DCLK1: variants seen among roughly 807,000 people sequenced by gnomAD.
The protein encoded by DCLK1 is doublecortin like kinase 1, also known as serine/threonine-protein kinase DCLK1.
DCLK1 carries 16 observed loss-of-function variants against 86.2 expected under a neutral mutation model. The ratio of observed to expected loss-of-function variants is 0.19; its 90% CI spans 0.13 to 0.28. The LOEUF is 0.28. Ranked by LOEUF, DCLK1 falls within the 10% of genes least tolerant of loss-of-function variation. The pLI, the probability that DCLK1 is intolerant of heterozygous loss-of-function variation, is 1.00. For synonymous variants in DCLK1, 369 were observed against 370.5 expected (o/e 1.00, Z 0.05); for missense variants, 590 against 940.2 (o/e 0.63, Z 4.87).
intron 3 of DCLK1, among the ~76,000 whole-genome samples, chr13:36,043,871 G>A (rs1566657921): frequency 6.6e-6 from 1 of 152,122 alleles, no homozygotes; most frequent in Admixed American, 6.6e-5. Flanking sequence ...AACCATCAGA[G>A]AAACTCTTCC....
At chr13:35,887,466 C>G (rs898094702) in intron 4 of DCLK1, among the ~76,000 whole-genome samples, 1 of 152,158 alleles carries the variant, frequency 6.6e-6, no homozygotes, top group Non-Finnish European at 1.5e-5. Flanking sequence ...GATCTGGTTG[C>G]TCACAATTCC....
intron 4 of DCLK1, among the ~76,000 whole-genome samples, chr13:35,930,254 T>C (rs750154310): frequency 1.3e-5 from 2 of 152,218 alleles, no homozygotes; most frequent in Admixed American, 6.5e-5. Flanking sequence ...TCTTAACTAG[T>C]ACATGTTTGG....
chr13:35,896,036 T>C (rs1873954508), intron 4 of DCLK1, among the ~76,000 whole-genome samples: 1 of 152,182 alleles, frequency 6.6e-6, no homozygotes, highest in African/African-American at 2.4e-5. Context: ...GTAAGGCGCT[T>C]TGTTTTGACA....
At chr13:36,071,346 C>T (rs17199136) in intron 3 of DCLK1, among the ~76,000 whole-genome samples, 1 of 151,866 alleles carries the variant, frequency 6.6e-6, no homozygotes, top group Non-Finnish European at 1.5e-5. Flanking sequence ...TTGTGTGGCA[C>T]TTTCTATGTG....
At chr13:35,778,034 AG>A (rs1160776151) in intron 16 of DCLK1, among the ~76,000 whole-genome samples, 1 of 152,232 alleles carries the variant, frequency 6.6e-6, no homozygotes, top group Non-Finnish European at 1.5e-5. Flanking sequence ...CACAGCACAC[AG>A]TAGATATTCT....
chr13:35,871,283 C>T lies in DCLK1; in HGVS notation c.881G>A (p.Ser294Asn). The change falls in exon 5 of 17, where the codon AGC becomes AAC. Residue 294 changes from serine to asparagine, a missense_variant. This residue lies in a region of DCLK1 where 195 missense variants were observed against 365.1 expected (regional missense o/e 0.53). Coordinates refer to ENST00000360631, the MANE Select transcript of DCLK1 (RefSeq NM_001330071.2). ...GGACGGTCCTGGGCTCTTGGTGGTG[C>T]TCCTGCGGGATGATGAAGCTATTTT... ...YTKIASSSRR[S>N]TTKSPGPSRR... is the part of the protein sequence containing the mutation. 6.2e-7 allele frequency: 1 copy of T among 1,613,966 alleles called. No homozygotes were observed. Among genetic ancestry groups the T allele is most frequent in the Non-Finnish European group, 8.5e-7 (1 of 1,179,996 alleles).
chr13:36,078,567 T>C (rs1226172954), intron 3 of DCLK1, among the ~76,000 whole-genome samples: 1 of 152,190 alleles, frequency 6.6e-6, no homozygotes, highest in African/African-American at 2.4e-5. Context: ...GGTTTACAAA[T>C]TGTAGATACT....
At chr13:35,828,188 T>A (rs2296644) in intron 9 of DCLK1, 62 bp downstream of exon 9, 290,134 of 1,356,614 alleles carry the variant, frequency 0.21, 33,515 homozygotes, top group East Asian at 0.41. Context: ...TTGGGAGTGA[T>A]CTTTGTGTTT....
chr13:36,086,469 T>TTTA (rs61096962), intron 3 of DCLK1, among the ~76,000 whole-genome samples: 2 of 147,426 alleles, frequency 1.4e-5, no homozygotes. Context: ...TTTTTTTTTT[T>TTTA]AATATTTTAA....
intron 4 of DCLK1, among the ~76,000 whole-genome samples, chr13:35,914,951 G>A (rs1199710217): frequency 6.6e-6 from 1 of 152,146 alleles, no homozygotes; most frequent in Non-Finnish European, 1.5e-5. Context: ...ACTGGAGAGA[G>A]CCAATGATTT....
At chr13:35,921,976 C>T (rs2153127095) in intron 4 of DCLK1, among the ~76,000 whole-genome samples, 1 of 152,242 alleles carries the variant, frequency 6.6e-6, no homozygotes, top group Non-Finnish European at 1.5e-5. Context: ...AATAGAGAAA[C>T]ATAGTGCCTA....
At chr13:35,998,103 C>T (rs2153145226) in intron 3 of DCLK1, among the ~76,000 whole-genome samples, 1 of 152,120 alleles carries the variant, frequency 6.6e-6, no homozygotes, top group Admixed American at 6.5e-5. Flanking sequence ...TTTAGTGTCC[C>T]TTCAACTGCC....
At chr13:36,021,909 A>G (rs1881800438) in intron 3 of DCLK1, among the ~76,000 whole-genome samples, 1 of 152,116 alleles carries the variant, frequency 6.6e-6, no homozygotes, top group African/African-American at 2.4e-5. Context: ...AATGAATAGA[A>G]CTATATAGTA....
At chr13:35,851,645 G>A (rs1870649771) in intron 6 of DCLK1, among the ~76,000 whole-genome samples, 1 of 152,098 alleles carries the variant, frequency 6.6e-6, no homozygotes, top group Non-Finnish European at 1.5e-5. Flanking sequence ...GAGTCTCCAG[G>A]CTCTGCTTCT....
intron 5 of DCLK1, chr13:35,855,805 C>T: frequency 8.0e-7 from 1 of 1,254,604 alleles, no homozygotes; most frequent in Non-Finnish European, 1.0e-6. Flanking sequence ...ATCCCGACAC[C>T]ACTCCCTTCC....
At chr13:35,948,615 A>G (rs1877507118) in intron 3 of DCLK1, among the ~76,000 whole-genome samples, 1 of 152,198 alleles carries the variant, frequency 6.6e-6, no homozygotes, top group South Asian at 2.1e-4. Context: ...GAGTCCCCAA[A>G]TGCAATGATG....
chr13:36,087,820 A>G lies in DCLK1; in HGVS notation c.723+24049T>C, dbSNP rs960749052. 7.2e-5 allele frequency among the ~76,000 whole-genome samples: 11 copies of G among 152,300 alleles called. No homozygotes were observed. In the East Asian group the frequency reaches 2.1e-3, roughly 29 times the overall value. On this transcript the variant is annotated intron_variant, in intron 3 of 16. Transcript: ENST00000360631. Reference sequence around the variant, plus strand: ...TGTGGATACACTATTCTCCCAAGCCAAGGATAAGACTAAGACCCCTGGGAA... The same window carrying G: ...TGTGGATACACTATTCTCCCAAGCCGAGGATAAGACTAAGACCCCTGGGAA...
At chr13:36,063,910 G>C (rs1053965092) in intron 3 of DCLK1, among the ~76,000 whole-genome samples, 1 of 152,110 alleles carries the variant, frequency 6.6e-6, no homozygotes, top group African/African-American at 2.4e-5. Flanking sequence ...AGTTGGGATT[G>C]TCATAAGAAA....
At chr13:36,023,058 C>A (rs1257353269) in intron 3 of DCLK1, among the ~76,000 whole-genome samples, 1 of 152,116 alleles carries the variant, frequency 6.6e-6, no homozygotes, top group Non-Finnish European at 1.5e-5. Flanking sequence ...CCATTAGCAA[C>A]AGGAATTATT....
Sources: gnomAD v4.1 joint callset for allele counts (sites outside exome capture counted in the v4.1 genomes callset) on GRCh38, gnomAD v4.1.1 for gene constraint, gnomAD v4.1.1 regional missense constraint, MANE v1.5 for transcripts, NCBI Gene and HGNC (gene_info 2026-07-23, HGNC 2026-07-21) for gene names.